Variants in INSIG2 observed in about 807,000 individuals in gnomAD.
The protein encoded by INSIG2 is insulin-induced gene 2 protein.
In INSIG2, 10 loss-of-function variants were observed where a neutral mutation model predicts 27.2. The ratio of observed to expected loss-of-function variants is 0.37; its 90% confidence interval spans 0.23 to 0.62. INSIG2 has a LOEUF of 0.62. INSIG2 is among the 20% of genes least tolerant of loss of function. The probability of loss-of-function intolerance (pLI) is 0.65; values close to 1 mark genes in which losing one functional copy is unlikely to be tolerated. For missense variants in INSIG2, 178 were observed against 270.2 expected (o/e 0.66, Z 2.39); for synonymous variants, 97 against 95.8 (o/e 1.01, Z -0.07).
chr2:118,096,621 C>T lies in INSIG2; in HGVS notation c.65C>T (p.Thr22Ile). 6.2e-7 allele frequency: 1 copy of T among 1,613,836 alleles called. No homozygotes were observed. The highest frequency in any genetic ancestry group is 1.7e-5 in the Admixed American group (1 of 60,020). The change falls in exon 2 of 6, where the codon ACT becomes ATT. Residue 22 changes from threonine (T) to isoleucine (I), a missense_variant. Thr to Ile is a moderately conservative substitution (Grantham distance 89). Transcript: ENST00000245787. ...KKCGPYISSV[T>I]SQSVNLMIRG... ...TGTGGCCCATATATTTCATCTGTCA[C>T]TAGCCAGAGTGTGAACTTGATGATT...
At chr2:118,096,061 CAG>C (rs1678397219) in intron 1 of INSIG2, among the ~76,000 whole-genome samples, 1 of 152,070 alleles carries the variant, frequency 6.6e-6, no homozygotes, top group Non-Finnish European at 1.5e-5. Flanking sequence ...GGAGAAGAAA[CAG>C]AGAGCAGGGT....
At chr2:118,104,863 T>C (rs1197013315) in intron 3 of INSIG2, among the ~76,000 whole-genome samples, 1 of 152,206 alleles carries the variant, frequency 6.6e-6, no homozygotes, top group Non-Finnish European at 1.5e-5. Context: ...TTTTCTGAAA[T>C]TCTAAAAACT....
At chr2:118,100,503 C>G (rs1336507224) in intron 2 of INSIG2, among the ~76,000 whole-genome samples, 1 of 150,740 alleles carries the variant, frequency 6.6e-6, no homozygotes, top group Admixed American at 6.7e-5. Context: ...CTCAGCCTTC[C>G]GAGTAGCTGG....
intron 1 of INSIG2, among the ~76,000 whole-genome samples, chr2:118,093,973 A>AG (rs1290946658): frequency 1.2e-5 from 1 of 84,414 alleles, no homozygotes; most frequent in Non-Finnish European, 2.3e-5. Flanking sequence ...GAGGAGGAGG[A>AG]GAGTTCTGTA....
intron 1 of INSIG2, among the ~76,000 whole-genome samples, chr2:118,095,081 CA>C (rs1678375754): frequency 6.6e-6 from 1 of 152,216 alleles, no homozygotes; most frequent in Admixed American, 6.5e-5. Flanking sequence ...ATAAGACCTT[CA>C]TAAAACATTT....
intron 1 of INSIG2, among the ~76,000 whole-genome samples, chr2:118,094,287 C>G (rs1374260339): frequency 6.8e-6 from 1 of 146,252 alleles, no homozygotes; most frequent in African/African-American, 2.6e-5. Context: ...TCTGTAGCTA[C>G]TGAACCTTGC....
intron 3 of INSIG2, among the ~76,000 whole-genome samples, chr2:118,106,238 T>G (rs531083642): frequency 7.9e-5 from 12 of 152,364 alleles, no homozygotes; most frequent in Admixed American, 1.3e-4. Context: ...CAGTAAATCA[T>G]AGAGAGAATG....
In INSIG2 at chr2:118,109,968, G is replaced by A. The variant is rs912948827; in HGVS notation, c.*1646G>A. On this transcript the variant is annotated 3_prime_UTR_variant, in exon 6 of 6. Transcript: ENST00000245787. The stretch of plus-strand genomic sequence containing the variant: ...TAATAAGTTATAAGGTCTATGATGT[G>A]TTTACTTTAAAAATTGCTGTTAAAA... 1 of 152,458 alleles carries A rather than the reference G, an allele frequency of 6.6e-6. No homozygotes were observed. Among genetic ancestry groups the A allele is most frequent in the Non-Finnish European group, 1.5e-5 (1 of 68,002 alleles). The allele number at this position is 152,458 out of a possible 1,614,324, so 9.4% of individuals were successfully genotyped here. A position where few individuals can be genotyped will look rare whatever the true frequency, so the allele number is the denominator to read the frequency against.
intron 1 of INSIG2, among the ~76,000 whole-genome samples, chr2:118,090,594 A>G (rs1678202027): frequency 6.6e-6 from 1 of 152,084 alleles, no homozygotes; most frequent in East Asian, 1.9e-4. Context: ...TTTGTTTAGT[A>G]TTGTACTTTC....
At chr2:118,095,906 A>G (rs1172051330) in intron 1 of INSIG2, among the ~76,000 whole-genome samples, 4 of 152,220 alleles carry the variant, frequency 2.6e-5, no homozygotes, top group African/African-American at 4.8e-5. Context: ...AATAAACATT[A>G]AAGCGGGTTA....
At chr2:118,089,284 C>T (rs755146388) in intron 1 of INSIG2, among the ~76,000 whole-genome samples, 1 of 152,108 alleles carries the variant, frequency 6.6e-6, no homozygotes, top group Non-Finnish European at 1.5e-5. Context: ...ATGATATTAG[C>T]TAGATGCTCT....
chr2:118,099,742 C>T (rs1281058776), intron 2 of INSIG2, among the ~76,000 whole-genome samples: 2 of 152,206 alleles, frequency 1.3e-5, no homozygotes, highest in Non-Finnish European at 2.9e-5. Context: ...GTCCCTTGCC[C>T]TATTCCTGTA....
At chr2:118,090,629 C>T (rs532901251) in intron 1 of INSIG2, among the ~76,000 whole-genome samples, 5 of 152,180 alleles carry the variant, frequency 3.3e-5, no homozygotes, top group East Asian at 1.9e-4. Context: ...CAGGGCTCAG[C>T]GTAGAATTTT....
chr2:118,096,556 C>A lies in INSIG2; in HGVS notation c.-1C>A. On this transcript the variant is annotated 5_prime_UTR_variant, in exon 2 of 6. Transcript: ENST00000245787. ...TAACGGCTTTCTGAACCTATGAAACCATGGCAGAAGGAGAGACAGAGTCAC... is the reference window on the plus strand; with the variant it reads ...TAACGGCTTTCTGAACCTATGAAACAATGGCAGAAGGAGAGACAGAGTCAC... 1 of 1,611,064 alleles carries A rather than the reference C, an allele frequency of 6.2e-7. No individual in the cohort carries two copies. Among genetic ancestry groups the A allele is most frequent in the South Asian group, 1.1e-5 (1 of 90,868 alleles).
chr2:118,093,025 G>A (rs1678297746), intron 1 of INSIG2, among the ~76,000 whole-genome samples: 1 of 144,992 alleles, frequency 6.9e-6, no homozygotes, highest in Non-Finnish European at 1.5e-5. Flanking sequence ...TGAGGAGGAG[G>A]AGGAGGAGGA....
At position 118,109,120 on chromosome 2, in the gene INSIG2, G is replaced by A. The variant is rs906931499; in HGVS notation, c.*798G>A. ...AATAAATACATGTTTTGGAAATACA[G>A]TGACCTCTTGCAGTGTCACAAAAGT... On this transcript the variant is annotated 3_prime_UTR_variant, in exon 6 of 6. Coordinates refer to ENST00000245787, the MANE Select transcript of INSIG2 (RefSeq NM_016133.4). The A allele has an allele frequency of 6.6e-6, 1 of 152,234 alleles. No homozygotes were observed. The highest frequency in any genetic ancestry group is 2.4e-5 in the African/African-American group (1 of 41,462). The allele number at this position is 152,234 out of a possible 1,614,324, so 9.4% of individuals were successfully genotyped here.
At chr2:118,092,902 G>A (rs926145954) in intron 1 of INSIG2, among the ~76,000 whole-genome samples, 3 of 143,552 alleles carry the variant, frequency 2.1e-5, no homozygotes, top group Admixed American at 7.0e-5. Context: ...GGAGAGTTCT[G>A]TAGCTACTGA....
intron 2 of INSIG2, among the ~76,000 whole-genome samples, chr2:118,099,609 C>T (rs1486478102): frequency 2.6e-5 from 4 of 152,104 alleles, no homozygotes; most frequent in East Asian, 1.9e-4. Context: ...AAAGACAACT[C>T]GTGTGGATAA....
At position 118,096,812 on chromosome 2, in the gene INSIG2, A is replaced by T; in HGVS notation, c.244+12A>T. The T allele has an allele frequency of 6.2e-7, 1 of 1,609,968 alleles. No homozygotes were observed. The highest frequency in any genetic ancestry group is 8.5e-7 in the Non-Finnish European group (1 of 1,179,384). ...TGGCACGGCTTCAGGTATGTGTAGGATGTTTCTGTAATGCTTAGAAAGGAA... is the reference window on the plus strand; with the variant it reads ...TGGCACGGCTTCAGGTATGTGTAGGTTGTTTCTGTAATGCTTAGAAAGGAA... On this transcript the variant is annotated intron_variant, in intron 2 of 5. Coordinates refer to ENST00000245787, the MANE Select transcript of INSIG2 (RefSeq NM_016133.4).
Sources: gnomAD v4.1 joint callset for allele counts (sites outside exome capture counted in the v4.1 genomes callset) on GRCh38, gnomAD v4.1.1 for gene constraint, MANE v1.5 for transcripts, NCBI Gene and HGNC (gene_info 2026-07-23, HGNC 2026-07-21) for gene names.